Variants in SOX6 observed in about 807,000 individuals in gnomAD.
The protein encoded by SOX6 is SRY-box transcription factor 6.
A neutral mutation model predicts 97.8 loss-of-function variants in SOX6; 11 were observed. That is an observed-to-expected ratio of 0.11 (90% CI 0.07 to 0.19). SOX6 has a LOEUF of 0.19. Ranked by LOEUF, SOX6 falls within the 10% of genes least tolerant of loss-of-function variation. SOX6 has a pLI of 1.00. For synonymous variants in SOX6, 360 were observed against 371.4 expected, an observed-to-expected ratio of 0.97 and a Z score of 0.35; for missense variants, 810 against 1,039.5, an observed-to-expected ratio of 0.78 and a Z score of 3.04.
chr11:16,560,636 T>TATATGTTTATACGTAC, intron 4 of SOX6, among the ~76,000 whole-genome samples: 1 of 121,364 alleles, frequency 8.2e-6, no homozygotes, highest in Non-Finnish European at 2.0e-5. Flanking sequence ...TATACGTACA[T>TATATGTTTATACGTAC]ATATGTTTAT....
intron 3 of SOX6, among the ~76,000 whole-genome samples, chr11:16,278,414 A>G (rs1481436337): frequency 6.6e-6 from 1 of 152,168 alleles, no homozygotes; most frequent in Non-Finnish European, 1.5e-5. Context: ...TGGTACAAAC[A>G]TAAAACAATA....
intron 3 of SOX6, among the ~76,000 whole-genome samples, chr11:16,265,951 G>A (rs891311309): frequency 6.6e-6 from 1 of 151,728 alleles, no homozygotes; most frequent in Non-Finnish European, 1.5e-5. Flanking sequence ...TAAGCTGTGA[G>A]ACAATATCAA....
intron 3 of SOX6, among the ~76,000 whole-genome samples, chr11:16,685,168 T>C (rs560301707): frequency 6.6e-5 from 10 of 152,078 alleles, no homozygotes; most frequent in Non-Finnish European, 1.5e-4. Flanking sequence ...ATTCCATTCC[T>C]GGCCCCTCAG....
At chr11:16,604,407 G>A (rs1392309964) in intron 4 of SOX6, among the ~76,000 whole-genome samples, 2 of 152,212 alleles carry the variant, frequency 1.3e-5, no homozygotes, top group African/African-American at 4.8e-5. Context: ...GACCAGAAAG[G>A]GCAGGAGAGA....
intron 6 of SOX6, among the ~76,000 whole-genome samples, chr11:16,117,331 G>T (rs994401056): frequency 6.7e-6 from 1 of 150,292 alleles, no homozygotes; most frequent in African/African-American, 2.5e-5. Flanking sequence ...CCAGCCTGGC[G>T]ACAGAGCGAG....
chr11:16,546,548 C>G (rs1847622678), intron 4 of SOX6, among the ~76,000 whole-genome samples: 1 of 152,112 alleles, frequency 6.6e-6, no homozygotes, highest in Non-Finnish European at 1.5e-5. Context: ...GCTGGAAAAA[C>G]TGGATATCCA....
At chr11:16,361,907 T>A (rs986404771) in intron 1 of SOX6, among the ~76,000 whole-genome samples, 3 of 152,252 alleles carry the variant, frequency 2.0e-5, no homozygotes, top group Non-Finnish European at 4.4e-5. Flanking sequence ...GTAAGTGCTA[T>A]ATGCTTGTAT....
intron 2 of SOX6, among the ~76,000 whole-genome samples, chr11:16,734,434 CCTT>C (rs1184929372): frequency 6.6e-6 from 1 of 152,146 alleles, no homozygotes; most frequent in African/African-American, 2.4e-5. Flanking sequence ...ACTAACCTCT[CCTT>C]CTTCTAGTTC....
intron 4 of SOX6, among the ~76,000 whole-genome samples, chr11:16,560,830 G>C (rs1225975558): frequency 6.6e-6 from 1 of 152,086 alleles, no homozygotes; most frequent in Admixed American, 6.6e-5. Flanking sequence ...TTATGGCTGA[G>C]TAGTATTCCA....
At chr11:16,148,045 C>T (rs1878947) in intron 6 of SOX6, among the ~76,000 whole-genome samples, 3 of 152,160 alleles carry the variant, frequency 2.0e-5, no homozygotes, top group Middle Eastern at 3.4e-3. Context: ...AAAAAACAAG[C>T]GATCTGTAAT....
intron 3 of SOX6, among the ~76,000 whole-genome samples, chr11:16,624,595 A>G (rs1432737538): frequency 6.6e-6 from 1 of 152,218 alleles, no homozygotes; most frequent in Non-Finnish European, 1.5e-5. Context: ...ACTGCTATAA[A>G]CATTCTTGTA....
At chr11:16,572,594 C>T (rs1421741304) in intron 4 of SOX6, among the ~76,000 whole-genome samples, 1 of 152,098 alleles carries the variant, frequency 6.6e-6, no homozygotes, top group African/African-American at 2.4e-5. Context: ...CAAGACTTCT[C>T]ATCTCTTCAC....
chr11:16,554,273 A>AATC (rs1433972749), intron 4 of SOX6, among the ~76,000 whole-genome samples: 1 of 152,096 alleles, frequency 6.6e-6, no homozygotes, highest in African/African-American at 2.4e-5. Context: ...CTCAGTAGAA[A>AATC]ATCATATTTC....
intron 3 of SOX6, among the ~76,000 whole-genome samples, chr11:16,680,408 T>G (rs1194166182): frequency 6.6e-6 from 1 of 152,144 alleles, no homozygotes; most frequent in African/African-American, 2.4e-5. Context: ...AAGCAAATGC[T>G]GAGAGATTTT....
intron 4 of SOX6, among the ~76,000 whole-genome samples, chr11:16,517,958 C>T (rs1166186704): frequency 1.3e-5 from 2 of 152,190 alleles, no homozygotes; most frequent in Middle Eastern, 3.2e-3. Context: ...AACTAAACTT[C>T]TAAACAGCCT....
At chr11:16,229,966 T>TTACAGTTGTAAAAATAAC (rs1253732070) in intron 4 of SOX6, among the ~76,000 whole-genome samples, 1 of 151,806 alleles carries the variant, frequency 6.6e-6, no homozygotes, top group Admixed American at 6.6e-5. Context: ...CAATTTATAA[T>TTACAGTTGTAAAAATAAC]TACAGTTGTA....
chr11:16,528,269 C>T (rs1354908470), intron 4 of SOX6, among the ~76,000 whole-genome samples: 1 of 152,100 alleles, frequency 6.6e-6, no homozygotes, highest in Non-Finnish European at 1.5e-5. Context: ...TACAATATGT[C>T]ACACTTACTA....
At chr11:16,045,031 C>G (rs1855786600) in intron 12 of SOX6, among the ~76,000 whole-genome samples, 1 of 152,078 alleles carries the variant, frequency 6.6e-6, no homozygotes, top group Non-Finnish European at 1.5e-5. Flanking sequence ...TCATCCCTCT[C>G]CCGTGTGTTC....
At chr11:16,162,452 C>T (rs1850774656) in intron 6 of SOX6, among the ~76,000 whole-genome samples, 1 of 152,160 alleles carries the variant, frequency 6.6e-6, no homozygotes, top group Admixed American at 6.6e-5. Flanking sequence ...GTGTTTGGAT[C>T]ATGGGTGTGG....
Sources: allele counts gnomAD v4.1 joint callset (sites outside exome capture counted in the v4.1 genomes callset), GRCh38; gene constraint gnomAD v4.1.1; transcripts MANE v1.5; gene names NCBI Gene and HGNC (gene_info 2026-07-23, HGNC 2026-07-21).